HECW1: variants seen among roughly 807,000 people sequenced by gnomAD.
The protein encoded by HECW1 is E3 ubiquitin-protein ligase HECW1.
Under a neutral mutation model 182.3 loss-of-function variants are expected in HECW1, and 61 were observed. The observed-to-expected ratio is 0.33, with a 90% CI of 0.27 to 0.41. The LOEUF (loss-of-function observed/expected upper bound fraction) is 0.41. Ranked by LOEUF, HECW1 falls within the 10% of genes least tolerant of loss-of-function variation. The probability of loss-of-function intolerance (pLI) is 1.00; values close to 1 mark genes in which losing one functional copy is unlikely to be tolerated. For missense variants in HECW1, 1,739 were observed against 2,108.9 expected (o/e 0.82, Z 3.44); for synonymous variants, 859 against 832.6 (o/e 1.03, Z -0.55).
chr7:43,506,696 C>T lies in HECW1; in HGVS notation c.3632-441C>T, dbSNP rs193208788. ...CAGCACTTTGGGAGGCCTAGGTGGG[C>T]GGATCACTTGAGGTCAGGAGTTCCA... On this transcript the variant is annotated intron_variant, in intron 21 of 29. Coordinates refer to ENST00000395891, the MANE Select transcript of HECW1 (RefSeq NM_015052.5). Among the ~76,000 whole-genome samples the T allele has an allele frequency of 3.5e-3, 537 of 151,910 alleles. 2 individuals are homozygous for T. The highest frequency in any genetic ancestry group is 5.2e-3 in the Admixed American group (80 of 15,258).
chr7:43,508,481 T>C (rs982552703), intron 23 of HECW1, among the ~76,000 whole-genome samples: 14 of 152,176 alleles, frequency 9.2e-5, no homozygotes, highest in African/African-American at 3.4e-4. Context: ...ACTTTTCATA[T>C]CATTTCAGTG....
At chr7:43,137,036 G>A (rs1478303376) in intron 2 of HECW1, among the ~76,000 whole-genome samples, 1 of 152,114 alleles carries the variant, frequency 6.6e-6, no homozygotes, top group Non-Finnish European at 1.5e-5. Flanking sequence ...CCACCATCCA[G>A]GTCAACCTGT....
chr7:43,400,843 G>T (rs565127765), intron 7 of HECW1, among the ~76,000 whole-genome samples: 2 of 152,328 alleles, frequency 1.3e-5, no homozygotes, highest in Non-Finnish European at 2.9e-5. Context: ...CAAGCTGTCA[G>T]CCAGGCTGGT....
chr7:43,361,975 C>G (rs35132099), intron 6 of HECW1, among the ~76,000 whole-genome samples: 18 of 151,170 alleles, frequency 1.2e-4, no homozygotes, highest in African/African-American at 3.9e-4. Context: ...AACGCTGTCT[C>G]TACTAAAAAT....
chr7:43,390,033 G>C (rs1198201653), intron 6 of HECW1, among the ~76,000 whole-genome samples: 1 of 152,160 alleles, frequency 6.6e-6, no homozygotes, highest in African/African-American at 2.4e-5. Flanking sequence ...AAAGCAATCA[G>C]AGTAAAGAAA....
Position 43,339,326 on chromosome 7 carries a change from C to T in HECW1, c.460+18584C>T, listed in dbSNP as rs114839312. 8.2e-3 allele frequency among the ~76,000 whole-genome samples: 1,250 copies of T among 152,088 alleles called. 12 individuals carry two copies. The highest frequency in any genetic ancestry group is 0.029 in the African/African-American group (1,189 of 41,476). Reference sequence around the variant, plus strand: ...TTCTTTCCTCTACCTTCTTTCAATCCGGATATTTTCAGTCGACCTATCTCC... The same window carrying T: ...TTCTTTCCTCTACCTTCTTTCAATCTGGATATTTTCAGTCGACCTATCTCC... On this transcript the variant is annotated intron_variant, in intron 5 of 29. Transcript: ENST00000395891.
At chr7:43,215,196 A>C (rs1237170335) in intron 2 of HECW1, among the ~76,000 whole-genome samples, 2 of 152,256 alleles carry the variant, frequency 1.3e-5, no homozygotes, top group African/African-American at 4.8e-5. Context: ...GGCACCGCCT[A>C]GTCAGAATGC....
At chr7:43,485,599 T>C (rs867246095) in intron 17 of HECW1, among the ~76,000 whole-genome samples, 1 of 152,206 alleles carries the variant, frequency 6.6e-6, no homozygotes, top group Non-Finnish European at 1.5e-5. Context: ...CTGTACAGCA[T>C]ATTAACTGTA....
chr7:43,519,934 C>T (rs2080375326), intron 24 of HECW1, among the ~76,000 whole-genome samples: 1 of 152,232 alleles, frequency 6.6e-6, no homozygotes, highest in Non-Finnish European at 1.5e-5. Context: ...TTTAGATTAT[C>T]AATATGTGTC....
chr7:43,340,135 C>G (rs190762814), intron 5 of HECW1, among the ~76,000 whole-genome samples: 4 of 151,978 alleles, frequency 2.6e-5, no homozygotes, highest in Non-Finnish European at 5.9e-5. Flanking sequence ...GTTTTAAAAT[C>G]AGCTTACTTA....
At chr7:43,339,615 A>C (rs1812714938) in intron 5 of HECW1, among the ~76,000 whole-genome samples, 1 of 152,178 alleles carries the variant, frequency 6.6e-6, no homozygotes, top group Non-Finnish European at 1.5e-5. Context: ...ATTTTCTGTC[A>C]ATTGCCATAC....
chr7:43,444,948 G>T lies in HECW1; in HGVS notation c.1776G>T (p.Lys592Asn), dbSNP rs767561764. 1.9e-6 allele frequency: 3 copies of T among 1,579,298 alleles called. No individual in the cohort carries two copies. Among genetic ancestry groups the T allele is most frequent in the Non-Finnish European group, 2.6e-6 (3 of 1,161,994 alleles). ...EDGAEEESTL[K>N]DSSEKDGLSE... Reference sequence around the variant, plus strand: ...GCGCGGAGGAGGAGTCCACCCTCAAGGACTCCTCGGAGAAGGATGGGCTCA... The same window carrying T: ...GCGCGGAGGAGGAGTCCACCCTCAATGACTCCTCGGAGAAGGATGGGCTCA... Residue 592 changes from lysine to asparagine, a missense_variant, in exon 11 of 30, where the codon AAG becomes AAT. Transcript: ENST00000395891. The surrounding 1 kb of genome is among the most constrained non-coding windows in gnomAD (Gnocchi z 4.3).
chr7:43,246,482 C>T (rs780642711), intron 3 of HECW1, among the ~76,000 whole-genome samples: 2 of 152,180 alleles, frequency 1.3e-5, no homozygotes, highest in Non-Finnish European at 2.9e-5. Context: ...CCAAGTCTAG[C>T]TCTGCACGTG....
intron 29 of HECW1, among the ~76,000 whole-genome samples, chr7:43,556,505 G>A (rs551935997): frequency 7.6e-4 from 115 of 152,160 alleles, no homozygotes; most frequent in Non-Finnish European, 1.2e-3. Context: ...TGGGCAACAG[G>A]ACAAGACCTC....
intron 26 of HECW1, among the ~76,000 whole-genome samples, chr7:43,542,514 GTGTATATTATATATA>G (rs2081401303): frequency 6.6e-6 from 1 of 150,686 alleles, no homozygotes; most frequent in Non-Finnish European, 1.5e-5. Flanking sequence ...ATTTCATTAT[GTGTATATTATATATA>G]TATAAACAAA....
chr7:43,145,840 A>T (rs554510377), intron 2 of HECW1, among the ~76,000 whole-genome samples: 189 of 152,308 alleles, frequency 1.2e-3, no homozygotes, highest in African/African-American at 4.0e-3. Context: ...GGGTAAAAAA[A>T]AATAATAATA....
intron 5 of HECW1, among the ~76,000 whole-genome samples, chr7:43,326,287 T>TC (rs929434424): frequency 6.6e-6 from 1 of 152,048 alleles, no homozygotes; most frequent in East Asian, 1.9e-4. Flanking sequence ...TTGTAATGAC[T>TC]CCCCCCTTGA....
At chr7:43,418,725 A>G (rs994390002) in intron 8 of HECW1, among the ~76,000 whole-genome samples, 1 of 152,090 alleles carries the variant, frequency 6.6e-6, no homozygotes, top group Non-Finnish European at 1.5e-5. Flanking sequence ...TCATAAGTTA[A>G]TATTTTCCTT....
At chr7:43,369,373 G>A (rs775080417) in intron 6 of HECW1, among the ~76,000 whole-genome samples, 5 of 152,076 alleles carry the variant, frequency 3.3e-5, no homozygotes, top group African/African-American at 9.7e-5. Context: ...CAAGAGAATC[G>A]CTTGAACTCG....
Sources: allele counts gnomAD v4.1 joint callset (sites outside exome capture counted in the v4.1 genomes callset), GRCh38; gene constraint gnomAD v4.1.1; non-coding constraint Gnocchi (gnomAD v3.1); transcripts MANE v1.5; gene names NCBI Gene and HGNC (gene_info 2026-07-23, HGNC 2026-07-21).